The following PTBP3 variants were observed in gnomAD, a reference collection of about 807,000 sequenced individuals.
PTBP3 encodes polypyrimidine tract-binding protein 3.
PTBP3 carries 20 observed loss-of-function variants against 58.7 expected under a neutral mutation model. The observed-to-expected ratio is 0.34, with a 90% CI of 0.24 to 0.50. The LOEUF (loss-of-function observed/expected upper bound fraction) is 0.50, where lower values mean the gene tolerates loss of function less well. PTBP3 is among the 20% of genes least tolerant of loss of function. The pLI is 0.98. For synonymous variants in PTBP3, 185 were observed against 219.8 expected (o/e 0.84, Z 1.40); for missense variants, 509 against 637.2 (o/e 0.80, Z 2.17).
Position 112,222,584 on chromosome 9 carries a change from C to T in PTBP3, c.*1267G>A. On this transcript the variant is annotated 3_prime_UTR_variant, in exon 14 of 14. Coordinates refer to ENST00000374257, the MANE Select transcript of PTBP3 (RefSeq NM_001163788.4). ...GTGTGCACTGAATTATTCCCAAAAC[C>T]ATTCACCCTTCCCCACACCGTCTCT... The T allele has an allele frequency of 2.0e-6, 2 of 985,612 alleles. No individual in the cohort carries two copies. Among genetic ancestry groups the T allele is most frequent in the Non-Finnish European group, 2.4e-6 (2 of 829,858 alleles). 61.1% of individuals were successfully genotyped at this position (985,612 alleles called of 1,614,324 possible). A position where few individuals can be genotyped will look rare whatever the true frequency, so the allele number is the denominator to read the frequency against.
intron 11 of PTBP3, 27 bp from the exon 12 acceptor site, chr9:112,227,654 G>GT: frequency 6.5e-7 from 1 of 1,547,826 alleles, no homozygotes; most frequent in Non-Finnish European, 8.9e-7. Flanking sequence ...AAATTTTAAA[G>GT]TTTGAGTATT....
Position 112,222,051 on chromosome 9 carries a change from C to T in PTBP3, c.*1800G>A. ...GCCTGTAGCCTCCTGCCTACAGGCT[C>T]AGCCTGTAGCTGGGACTACAGGCGC... On this transcript the variant is annotated 3_prime_UTR_variant, in exon 14 of 14. Coordinates refer to ENST00000374257, the MANE Select transcript of PTBP3 (RefSeq NM_001163788.4). 1 of 956,310 alleles carries T rather than the reference C, an allele frequency of 1.0e-6. No individual in the cohort carries two copies. The highest frequency in any genetic ancestry group is 1.2e-6 in the Non-Finnish European group (1 of 803,100). The allele number at this position is 956,310 out of a possible 1,614,324, so 59.2% of individuals were successfully genotyped here.
chr9:112,261,703 A>G (rs1180006547), intron 5 of PTBP3, among the ~76,000 whole-genome samples: 1 of 152,262 alleles, frequency 6.6e-6, no homozygotes, highest in Non-Finnish European at 1.5e-5. Context: ...AGATAACTGT[A>G]TATTACATTC....
intron 4 of PTBP3, among the ~76,000 whole-genome samples, chr9:112,266,856 C>G (rs888318849): frequency 5.3e-5 from 8 of 152,040 alleles, no homozygotes; most frequent in African/African-American, 1.9e-4. Context: ...GAATGGTGTA[C>G]CAAAAGCATG....
At chr9:112,368,980 C>T in the PTBP3 span, among the ~76,000 whole-genome samples, 11 of 152,208 alleles carry the variant, frequency 7.2e-5, no homozygotes, top group Admixed American at 2.6e-4. Flanking sequence ...TTCAGAGGGT[C>T]CAATCCCCAA....
At chr9:112,247,257 C>A (rs1346936082) in intron 7 of PTBP3, among the ~76,000 whole-genome samples, 1 of 139,774 alleles carries the variant, frequency 7.2e-6, no homozygotes, top group African/African-American at 2.6e-5. Context: ...CAGATTAAGT[C>A]CCTGTTTCAA....
chr9:112,350,946 C>T, the PTBP3 span, among the ~76,000 whole-genome samples: 146 of 152,066 alleles, frequency 9.6e-4, no homozygotes, highest in African/African-American at 3.5e-3. Flanking sequence ...TTACAGGCAC[C>T]CGCCACCACG....
chr9:112,376,357 G>C, the PTBP3 span, among the ~76,000 whole-genome samples: 3 of 147,062 alleles, frequency 2.0e-5, no homozygotes, highest in Non-Finnish European at 3.0e-5. Flanking sequence ...AGGTTCAAGC[G>C]ATTCTCCTGC....
At chr9:112,239,398 A>G (rs145794202) in intron 7 of PTBP3, among the ~76,000 whole-genome samples, 298 of 152,282 alleles carry the variant, frequency 2.0e-3, no homozygotes, top group African/African-American at 6.4e-3. Context: ...AGAATACGCA[A>G]TAAGTTAATT....
At chr9:112,353,775 G>A in the PTBP3 span, among the ~76,000 whole-genome samples, 1 of 151,700 alleles carries the variant, frequency 6.6e-6, no homozygotes, top group East Asian at 2.0e-4. Context: ...GGCCAACATG[G>A]TGAAACCCCA....
At position 112,218,659 on chromosome 9, in the gene PTBP3, C is replaced by T. The variant is rs149068980; in HGVS notation, c.*5192G>A. ...TTCTCTTTGCATTTATAACATAATTCACTTCAACAATCACAGACTCCTTTT... is the reference window on the plus strand; with the variant it reads ...TTCTCTTTGCATTTATAACATAATTTACTTCAACAATCACAGACTCCTTTT... On this transcript the variant is annotated 3_prime_UTR_variant, in exon 14 of 14. Transcript: ENST00000374257. The T allele has an allele frequency of 6.5e-6, 1 of 152,696 alleles. No homozygotes were observed. Among genetic ancestry groups the T allele is most frequent in the Non-Finnish European group, 1.5e-5 (1 of 68,018 alleles). 9.5% of individuals were successfully genotyped at this position (152,696 alleles called of 1,614,324 possible).
chr9:112,343,127 G>A, the PTBP3 span, among the ~76,000 whole-genome samples: 1 of 152,128 alleles, frequency 6.6e-6, no homozygotes, highest in Admixed American at 6.5e-5. Context: ...CTCATTTTGA[G>A]GACAGAAAGT....
At chr9:112,369,474 T>C in the PTBP3 span, among the ~76,000 whole-genome samples, 14 of 152,180 alleles carry the variant, frequency 9.2e-5, no homozygotes. Flanking sequence ...GATTTGACTA[T>C]CCCTCTGGAT....
intron 7 of PTBP3, among the ~76,000 whole-genome samples, chr9:112,243,717 C>T (rs1425605965): frequency 6.6e-6 from 1 of 152,164 alleles, no homozygotes; most frequent in East Asian, 1.9e-4. Flanking sequence ...TGTTGTACTT[C>T]TGTATTACCA....
chr9:112,260,650 G>GGA (rs1836555351), intron 5 of PTBP3, among the ~76,000 whole-genome samples: 1 of 152,128 alleles, frequency 6.6e-6, no homozygotes, highest in Non-Finnish European at 1.5e-5. Flanking sequence ...AGGGAGGTAG[G>GGA]GAGAGAGAGA....
the PTBP3 span, among the ~76,000 whole-genome samples, chr9:112,358,102 G>C: frequency 6.6e-6 from 1 of 152,148 alleles, no homozygotes; most frequent in Non-Finnish European, 1.5e-5. Flanking sequence ...GAGGTCGGGA[G>C]TTCAAGACCA....
chr9:112,343,073 G>A, the PTBP3 span, among the ~76,000 whole-genome samples: 1 of 152,168 alleles, frequency 6.6e-6, no homozygotes, highest in Non-Finnish European at 1.5e-5. Flanking sequence ...TGGTTCCAGG[G>A]CTGGATCGGG....
intron 2 of PTBP3, among the ~76,000 whole-genome samples, chr9:112,290,349 A>G (rs972265805): frequency 2.6e-5 from 4 of 152,156 alleles, no homozygotes; most frequent in African/African-American, 9.7e-5. Flanking sequence ...TAAGCTATCA[A>G]TATATGCTTA....
intron 2 of PTBP3, among the ~76,000 whole-genome samples, chr9:112,282,489 T>C (rs1485408036): frequency 6.6e-6 from 1 of 152,198 alleles, no homozygotes; most frequent in East Asian, 1.9e-4. Context: ...TCTTTTCTAA[T>C]ATAAACATTT....
Sources: gnomAD v4.1 joint callset for allele counts (sites outside exome capture counted in the v4.1 genomes callset) on GRCh38, gnomAD v4.1.1 for gene constraint, MANE v1.5 for transcripts, NCBI Gene and HGNC (gene_info 2026-07-23, HGNC 2026-07-21) for gene names.